The following NDUFAF2 variants were observed in gnomAD, a reference collection of about 807,000 sequenced individuals.
NDUFAF2 encodes NADH:ubiquinone oxidoreductase complex assembly factor 2.
In NDUFAF2, 13 loss-of-function variants were observed where a neutral mutation model predicts 22.8. The ratio of observed to expected loss-of-function variants is 0.57; its 90% CI spans 0.37 to 0.91. The LOEUF (loss-of-function observed/expected upper bound fraction) is 0.91. Among genes scored for constraint, NDUFAF2 ranks in the 40% least tolerant of loss-of-function variants. The probability of loss-of-function intolerance (pLI) is 0.01; values close to 1 mark genes in which losing one functional copy is unlikely to be tolerated. For synonymous variants in NDUFAF2, 53 were observed against 64.2 expected (o/e 0.83, Z 0.84); for missense variants, 162 against 195.2 (o/e 0.83, Z 1.01).
rs6871526 is a variant in NDUFAF2 at position 61,045,221 on chromosome 5, G to A, written c.128-27904G>A. Among the ~76,000 whole-genome samples, 52 of 29,540 alleles carry A rather than the reference G, an allele frequency of 1.8e-3. 1 individual carries two copies. Among genetic ancestry groups the A allele is most frequent in the East Asian group, 6.7e-3 (2 of 298 alleles). The allele number at this position is 29,540 out of a possible 152,430, so 19.4% of individuals were successfully genotyped here. On this transcript the variant is annotated intron_variant, in intron 1 of 3. Coordinates refer to ENST00000296597, the MANE Select transcript of NDUFAF2 (RefSeq NM_174889.5). ...TTAAATTTTAATAAAATAAAATAAA[G>A]TTTTATTAAATTTTAATAAAATAAA...
chr5:60,945,550 C>A, intron 1 of NDUFAF2, 168 bp downstream of exon 1: 1 of 1,041,602 alleles, frequency 9.6e-7, no homozygotes, highest in Non-Finnish European at 1.4e-6. Context: ...ACTCTGGCAT[C>A]GGAGCCCTAC....
intron 1 of NDUFAF2, among the ~76,000 whole-genome samples, chr5:61,048,057 T>C (rs762875779): frequency 6.6e-6 from 1 of 152,198 alleles, no homozygotes; most frequent in Non-Finnish European, 1.5e-5. Flanking sequence ...AAGTGCCTTA[T>C]TGACAAATGA....
chr5:60,980,395 A>G (rs1750961045), intron 1 of NDUFAF2, among the ~76,000 whole-genome samples: 1 of 152,212 alleles, frequency 6.6e-6, no homozygotes, highest in Non-Finnish European at 1.5e-5. Context: ...AAACCCAAAG[A>G]CATGATGTAA....
intron 3 of NDUFAF2, among the ~76,000 whole-genome samples, chr5:61,129,659 G>T: frequency 7.2e-6 from 1 of 138,586 alleles, no homozygotes; most frequent in African/African-American, 2.6e-5. Context: ...GGGGGAGGGG[G>T]GAGGGATAGC....
At chr5:61,051,990 A>G (rs111502104) in intron 1 of NDUFAF2, among the ~76,000 whole-genome samples, 2 of 152,334 alleles carry the variant, frequency 1.3e-5, no homozygotes, top group African/African-American at 4.8e-5. Flanking sequence ...TACTTAGAGA[A>G]GTATAACTAT....
chr5:61,019,631 T>TAA (rs940513076), intron 1 of NDUFAF2, among the ~76,000 whole-genome samples: 4 of 152,124 alleles, frequency 2.6e-5, no homozygotes, highest in Non-Finnish European at 5.9e-5. Flanking sequence ...CCTCCTGCTA[T>TAA]AAAATACCCC....
chr5:61,109,698 T>C (rs112282911), intron 3 of NDUFAF2, among the ~76,000 whole-genome samples: 1,824 of 152,234 alleles, frequency 0.012, 16 homozygotes, highest in Non-Finnish European at 0.02. Context: ...TGATAGTGAG[T>C]AAATTCTCAT....
Position 60,966,890 on chromosome 5 carries a change from G to A in NDUFAF2, c.127+21508G>A, listed in dbSNP as rs1750764824. 2.6e-5 allele frequency among the ~76,000 whole-genome samples: 4 copies of A among 152,030 alleles called. 1 individual carries two copies. The East Asian group carries it at 7.7e-4, about 29-fold the overall frequency. The stretch of plus-strand genomic sequence containing the variant: ...CACTATTTCTGTAAAAAGTGTTATT[G>A]GAATTTTGATAGGGATTGCAGTGAA... On this transcript the variant is annotated intron_variant, in intron 1 of 3. Transcript: ENST00000296597.
In NDUFAF2 at chr5:60,985,891, G is replaced by A. The variant is rs185567279; in HGVS notation, c.127+40509G>A. ...CAATTCAAGATGAGATTTGGGTGGG[G>A]ACACAGCCAAACAGTATCACTGATT... On this transcript the variant is annotated intron_variant, in intron 1 of 3. Transcript: ENST00000296597. 5.3e-5 allele frequency among the ~76,000 whole-genome samples: 8 copies of A among 152,202 alleles called. No individual in the cohort carries two copies. The East Asian group carries it at 1.5e-3, about 29-fold the overall frequency.
intron 2 of NDUFAF2, among the ~76,000 whole-genome samples, chr5:61,098,265 A>G (rs770218627): frequency 7.4e-4 from 112 of 152,362 alleles, no homozygotes; most frequent in Middle Eastern, 3.4e-3. Flanking sequence ...TCCAGGTGAC[A>G]CAGACAGTAA....
At position 60,967,142 on chromosome 5, in the gene NDUFAF2, A is replaced by T. The variant is rs376393653; in HGVS notation, c.127+21760A>T. On this transcript the variant is annotated intron_variant, in intron 1 of 3. Coordinates refer to ENST00000296597, the MANE Select transcript of NDUFAF2 (RefSeq NM_174889.5). ...ATGGAATTGATTTTTTTATTCTTTT[A>T]TTGGATAGTTTATCAGTGTATAGAA... is the stretch of plus-strand genomic sequence containing the variant. Among the ~76,000 whole-genome samples, 236 of 151,858 alleles carry T rather than the reference A, an allele frequency of 1.6e-3. 1 individual carries two copies. Among genetic ancestry groups the T allele is most frequent in the African/African-American group, 5.5e-3 (229 of 41,486 alleles).
At chr5:61,116,959 G>A (rs966558681) in intron 3 of NDUFAF2, among the ~76,000 whole-genome samples, 16 of 151,998 alleles carry the variant, frequency 1.1e-4, no homozygotes, top group African/African-American at 3.9e-4. Context: ...ATTTATTTGC[G>A]GAAAAAACTT....
At chr5:61,127,281 T>C (rs1753049356) in intron 3 of NDUFAF2, among the ~76,000 whole-genome samples, 1 of 152,120 alleles carries the variant, frequency 6.6e-6, no homozygotes, top group African/African-American at 2.4e-5. Context: ...CCCTAACTCA[T>C]TTTATGAGGC....
intron 1 of NDUFAF2, among the ~76,000 whole-genome samples, chr5:60,996,013 C>G (rs1010325013): frequency 6.6e-6 from 1 of 152,114 alleles, no homozygotes; most frequent in Non-Finnish European, 1.5e-5. Flanking sequence ...TTAAATGCTG[C>G]CTGGCCTAGG....
chr5:61,055,077 T>G (rs72759214), intron 1 of NDUFAF2, among the ~76,000 whole-genome samples: 5,415 of 152,326 alleles, frequency 0.036, 140 homozygotes, highest in Non-Finnish European at 0.054. Context: ...CAAGGAGATG[T>G]ATATTAACTC....
intron 1 of NDUFAF2, among the ~76,000 whole-genome samples, chr5:61,020,538 G>T (rs1043388985): frequency 7.3e-6 from 1 of 137,304 alleles, no homozygotes; most frequent in African/African-American, 2.7e-5. Context: ...GAACTGTGTG[G>T]GTTTTGTTAT....
chr5:60,970,851 TTCA>T (rs1210096191), intron 1 of NDUFAF2, among the ~76,000 whole-genome samples: 3 of 152,160 alleles, frequency 2.0e-5, no homozygotes, highest in African/African-American at 7.2e-5. Flanking sequence ...TGTTAAACTC[TTCA>T]TCATTGATTA....
At chr5:61,066,288 C>G (rs1752227168) in intron 1 of NDUFAF2, among the ~76,000 whole-genome samples, 1 of 151,978 alleles carries the variant, frequency 6.6e-6, no homozygotes. Context: ...GTACCCAAAC[C>G]AGTGTACATA....
chr5:60,963,822 G>C (rs925390075), intron 1 of NDUFAF2, among the ~76,000 whole-genome samples: 1 of 152,112 alleles, frequency 6.6e-6, no homozygotes, highest in African/African-American at 2.4e-5. Flanking sequence ...GTAGAGAGTG[G>C]GTTGAAATCT....
Sources: allele counts gnomAD v4.1 joint callset (sites outside exome capture counted in the v4.1 genomes callset), GRCh38; gene constraint gnomAD v4.1.1; transcripts MANE v1.5; gene names NCBI Gene and HGNC (gene_info 2026-07-23, HGNC 2026-07-21).